Variants in TRABD2B observed in about 807,000 individuals in gnomAD.
The protein encoded by TRABD2B is TraB domain containing 2B.
Under a neutral mutation model 40.1 loss-of-function variants are expected in TRABD2B, and 14 were observed. The observed-to-expected ratio is 0.35, with a 90% CI of 0.23 to 0.55. TRABD2B has a LOEUF of 0.55. Among genes scored for constraint, TRABD2B ranks in the 20% least tolerant of loss-of-function variants. TRABD2B has a pLI of 0.90. For missense variants in TRABD2B, 541 were observed against 648.6 expected (o/e 0.83, Z 1.80); for synonymous variants, 263 against 277.0 (o/e 0.95, Z 0.50).
intron 2 of TRABD2B, among the ~76,000 whole-genome samples, chr1:47,956,172 GAAAC>G (rs1251413180): frequency 1.3e-5 from 2 of 152,148 alleles, no homozygotes; most frequent in Non-Finnish European, 2.9e-5. Context: ...TACCACCATA[GAAAC>G]CCACCCACCA....
intron 2 of TRABD2B, among the ~76,000 whole-genome samples, chr1:47,810,693 G>C (rs1644952986): frequency 6.6e-6 from 1 of 152,248 alleles, no homozygotes; most frequent in Non-Finnish European, 1.5e-5. Context: ...TATTCACGAA[G>C]GTGTGGGCAG....
chr1:47,971,380 C>T (rs1645680123), intron 2 of TRABD2B, among the ~76,000 whole-genome samples: 1 of 152,214 alleles, frequency 6.6e-6, no homozygotes, highest in African/African-American at 2.4e-5. Flanking sequence ...TGGGAAAACC[C>T]GTGGAAAGCC....
chr1:47,853,299 C>G (rs975696730), intron 2 of TRABD2B, among the ~76,000 whole-genome samples: 1 of 152,138 alleles, frequency 6.6e-6, no homozygotes, highest in East Asian at 1.9e-4. Flanking sequence ...AGCAGTGGCC[C>G]GAATTAGCCA....
At chr1:47,910,043 A>G (rs1195963780) in intron 2 of TRABD2B, among the ~76,000 whole-genome samples, 1 of 151,048 alleles carries the variant, frequency 6.6e-6, no homozygotes, top group Admixed American at 6.6e-5. Flanking sequence ...TATTTTTTGT[A>G]GAGATGGGGT....
intron 2 of TRABD2B, among the ~76,000 whole-genome samples, chr1:47,944,201 G>T (rs1259047983): frequency 6.6e-6 from 1 of 152,212 alleles, no homozygotes; most frequent in Non-Finnish European, 1.5e-5. Flanking sequence ...GGGGTGTGGA[G>T]AGAGGGAGCA....
At chr1:47,929,949 T>C (rs1300916598) in intron 2 of TRABD2B, among the ~76,000 whole-genome samples, 2 of 152,164 alleles carry the variant, frequency 1.3e-5, no homozygotes, top group African/African-American at 2.4e-5. Flanking sequence ...TGCTCTGGTA[T>C]GAAAAGAGGT....
chr1:47,816,203 C>T (rs868544182), intron 2 of TRABD2B, among the ~76,000 whole-genome samples: 5 of 152,160 alleles, frequency 3.3e-5, no homozygotes, highest in African/African-American at 4.8e-5. Flanking sequence ...CCCTGGGGCC[C>T]GGGGTCTGGG....
rs1644990797 is a variant in TRABD2B at position 47,813,424 on chromosome 1, C to T, written c.667-11805G>A. 1.3e-5 allele frequency among the ~76,000 whole-genome samples: 2 copies of T among 152,160 alleles called. No individual in the cohort carries two copies. Among genetic ancestry groups the T allele is most frequent in the South Asian group, 2.1e-4 (1 of 4,822 alleles). ...ATGAGAGAAATTGTAACATGCCTCT[C>T]TGTTTGTCTGCTAAGCCACCGGTTA... On this transcript the variant is annotated intron_variant, in intron 2 of 6. Coordinates refer to ENST00000606738, the MANE Select transcript of TRABD2B (RefSeq NM_001194986.2). This position sits in a 1 kb window ranked among gnomAD's most constrained non-coding sequence, Gnocchi z 4.3.
rs781006992 is a variant in TRABD2B at position 47,976,923 on chromosome 1, A to G, written c.666+17111T>C. The stretch of plus-strand genomic sequence containing the variant: ...GTTTCCCCCAGTGGTAACACCTTAC[A>G]TAACTATAGTACAATATCAAAACCA... On this transcript the variant is annotated intron_variant, in intron 2 of 6. Transcript: ENST00000606738. 4.6e-4 allele frequency among the ~76,000 whole-genome samples: 70 copies of G among 152,216 alleles called. 2 individuals carry two copies. Among genetic ancestry groups the G allele is most frequent in the Admixed American group, 7.8e-4 (12 of 15,288 alleles).
chr1:47,774,822 T>A (rs1475714498), intron 6 of TRABD2B, among the ~76,000 whole-genome samples: 1 of 152,200 alleles, frequency 6.6e-6, no homozygotes, highest in African/African-American at 2.4e-5. Context: ...AGCCAGCTTG[T>A]TCCATTTTCT....
chr1:47,863,846 T>C (rs10789519), intron 2 of TRABD2B, among the ~76,000 whole-genome samples: 1 of 152,006 alleles, frequency 6.6e-6, no homozygotes, highest in African/African-American at 2.4e-5. Context: ...GAAGCAACCA[T>C]GATGTCCGTC....
intron 2 of TRABD2B, among the ~76,000 whole-genome samples, chr1:47,850,472 A>AT (rs1187455565): frequency 1.3e-5 from 2 of 152,236 alleles, no homozygotes; most frequent in Non-Finnish European, 2.9e-5. Flanking sequence ...AAGAATCTAG[A>AT]TTCATGCATT....
At chr1:47,766,133 G>C in intron 6 of TRABD2B, 27 bp from the exon 7 acceptor site, 1 of 701,276 alleles carries the variant, frequency 1.4e-6, no homozygotes, top group Non-Finnish European at 2.6e-6. Flanking sequence ...ACATGGCAGA[G>C]TCACCATCGG....
chr1:47,941,247 C>T (rs943757263), intron 2 of TRABD2B, among the ~76,000 whole-genome samples: 7 of 152,162 alleles, frequency 4.6e-5, no homozygotes, highest in Admixed American at 2.0e-4. Context: ...GTAGAAGTCC[C>T]CAAGCTTCCG....
intron 2 of TRABD2B, chr1:47,820,081 T>G (rs1202090271): frequency 6.6e-6 from 1 of 152,348 alleles, no homozygotes; most frequent in African/African-American, 2.4e-5. Context: ...ACACACTATG[T>G]TAGTTCCTCA....
At chr1:47,941,696 C>T (rs575651465) in intron 2 of TRABD2B, among the ~76,000 whole-genome samples, 1 of 152,342 alleles carries the variant, frequency 6.6e-6, no homozygotes, top group African/African-American at 2.4e-5. Context: ...TGATGAGCTA[C>T]GCTCACTTGC....
rs909059719 is a variant in TRABD2B, at chr1:47,828,974, G to A, written c.667-27355C>T. 2.6e-5 allele frequency among the ~76,000 whole-genome samples: 4 copies of A among 152,254 alleles called. No homozygotes were observed. The South Asian group carries it at 8.3e-4, about 32-fold the overall frequency. ...GTGCGTCTGCATCGGCCAATGCTGC[G>A]GATGCAGGAACCATGGCTGGAGGAC... is the stretch of plus-strand genomic sequence containing the variant. On this transcript the variant is annotated intron_variant, in intron 2 of 6. Coordinates refer to ENST00000606738, the MANE Select transcript of TRABD2B (RefSeq NM_001194986.2).
intron 2 of TRABD2B, among the ~76,000 whole-genome samples, chr1:47,842,166 G>T (rs538968565): frequency 1.5e-3 from 229 of 152,332 alleles, no homozygotes; most frequent in African/African-American, 5.0e-3. Context: ...GCACAATGTA[G>T]CTCTTTGATT....
chr1:47,792,989 AGG>A (rs1644696197), intron 4 of TRABD2B, among the ~76,000 whole-genome samples: 1 of 151,904 alleles, frequency 6.6e-6, no homozygotes, highest in South Asian at 2.1e-4. Context: ...AGGGAGTGGG[AGG>A]GGACTCTTCC....
Sources: gnomAD v4.1 joint callset for allele counts (sites outside exome capture counted in the v4.1 genomes callset) on GRCh38, gnomAD v4.1.1 for gene constraint, Gnocchi (gnomAD v3.1) non-coding constraint, MANE v1.5 for transcripts, NCBI Gene and HGNC (gene_info 2026-07-23, HGNC 2026-07-21) for gene names.